HNF1B: variants seen among roughly 807,000 people sequenced by gnomAD.
The protein encoded by HNF1B is HNF1 homeobox B.
Under a neutral mutation model 61.7 loss-of-function variants are expected in HNF1B, and 8 were observed. The observed-to-expected ratio is 0.13, with a 90% CI of 0.08 to 0.23. The LOEUF (loss-of-function observed/expected upper bound fraction) is 0.23. Among genes scored for constraint, HNF1B ranks in the 10% least tolerant of loss-of-function variants. The pLI is 1.00. For synonymous variants in HNF1B, 314 were observed against 287.7 expected, an observed-to-expected ratio of 1.09 and a Z score of -0.93; for missense variants, 562 against 714.5, an observed-to-expected ratio of 0.79 and a Z score of 2.43.
intron 2 of HNF1B, among the ~76,000 whole-genome samples, chr17:37,734,737 C>T (rs537301141): frequency 6.6e-6 from 1 of 151,758 alleles, no homozygotes; most frequent in Admixed American, 6.6e-5. Flanking sequence ...AGCAAAGACA[C>T]GTAATACATT....
At chr17:37,728,473 A>AT (rs1471227143) in intron 4 of HNF1B, 2 of 151,156 alleles carry the variant, frequency 1.3e-5, no homozygotes, top group African/African-American at 4.9e-5. Flanking sequence ...CACCCGGCTA[A>AT]TTTTTTGTAT....
chr17:37,699,925 TC>T (rs1236693704), intron 7 of HNF1B, among the ~76,000 whole-genome samples: 2 of 152,238 alleles, frequency 1.3e-5, no homozygotes, highest in African/African-American at 4.8e-5. Context: ...CAAACCTCTT[TC>T]ACCATCATTG....
chr17:37,704,788 G>T, intron 6 of HNF1B, 129 bp downstream of exon 6: 1 of 1,040,368 alleles, frequency 9.6e-7, no homozygotes, highest in Non-Finnish European at 1.5e-6. Context: ...AGAAACTAAA[G>T]AAGTTAAACC....
chr17:37,734,850 G>A (rs1191908760), intron 2 of HNF1B, among the ~76,000 whole-genome samples: 2 of 149,856 alleles, frequency 1.3e-5, no homozygotes, highest in Non-Finnish European at 3.0e-5. Flanking sequence ...GTACAGTGGT[G>A]TGATCTCGGC....
chr17:37,734,759 TC>T (rs1335009094), intron 2 of HNF1B, among the ~76,000 whole-genome samples: 1 of 151,842 alleles, frequency 6.6e-6, no homozygotes, highest in Non-Finnish European at 1.5e-5. Context: ...ATCTCCTAGC[TC>T]TGGGTCCCTA....
chr17:37,722,761 T>C (rs1364422821), intron 4 of HNF1B, among the ~76,000 whole-genome samples: 4 of 152,130 alleles, frequency 2.6e-5, no homozygotes, highest in Admixed American at 1.3e-4. Flanking sequence ...AGTTGGAGCA[T>C]AGGGTAACAG....
intron 3 of HNF1B, 29 bp downstream of exon 3, chr17:37,733,528 C>G (rs751273057): frequency 3.7e-6 from 6 of 1,614,076 alleles, no homozygotes; most frequent in Non-Finnish European, 5.1e-6. Context: ...ACTTGCCCAC[C>G]TGCCCAGGTG....
chr17:37,710,187 T>C (rs541235192), intron 5 of HNF1B, among the ~76,000 whole-genome samples: 8 of 152,302 alleles, frequency 5.3e-5, no homozygotes, highest in Admixed American at 1.3e-4. Flanking sequence ...AATGAACATT[T>C]TATCAACACA....
chr17:37,724,883 A>G (rs2033440161), intron 4 of HNF1B, among the ~76,000 whole-genome samples: 1 of 149,520 alleles, frequency 6.7e-6, no homozygotes, highest in African/African-American at 2.5e-5. Flanking sequence ...CCTTTTATAT[A>G]TATAACTTCT....
intron 8 of HNF1B, among the ~76,000 whole-genome samples, chr17:37,688,396 C>T (rs1400417983): frequency 6.6e-6 from 1 of 151,524 alleles, no homozygotes; most frequent in East Asian, 1.9e-4. Flanking sequence ...CACACACACA[C>T]ACACACACAC....
rs368168569 is a variant in HNF1B, at chr17:37,700,973, G to A, written c.1534+10C>T. 2.7e-5 allele frequency: 42 copies of A among 1,553,496 alleles called. No individual in the cohort carries two copies. The highest frequency in any genetic ancestry group is 6.8e-5 in the African/African-American group (5 of 73,372). On this transcript the variant is annotated intron_variant, in intron 7 of 8. Coordinates refer to ENST00000617811, the MANE Select transcript of HNF1B (RefSeq NM_000458.4). ...GAGTGCTCCCTCCCTCCACATGCCC[G>A]TGTCCTTACTGTGTGAGTTCTGCAG...
At chr17:37,720,263 C>A (rs1043708381) in intron 4 of HNF1B, among the ~76,000 whole-genome samples, 1 of 152,080 alleles carries the variant, frequency 6.6e-6, no homozygotes, top group Admixed American at 6.5e-5. Flanking sequence ...CCTAGGGATC[C>A]TGGTAAGAGA....
At chr17:37,696,011 G>A (rs1246387818) in intron 8 of HNF1B, among the ~76,000 whole-genome samples, 1 of 152,100 alleles carries the variant, frequency 6.6e-6, no homozygotes, top group Non-Finnish European at 1.5e-5. Flanking sequence ...GAATGATATG[G>A]TCTGGATGTG....
intron 4 of HNF1B, chr17:37,729,456 A>T (rs1487772016): frequency 1.3e-5 from 2 of 148,326 alleles, no homozygotes; most frequent in African/African-American, 5.0e-5. Context: ...AAAAAAAAAA[A>T]GACAGAAGAA....
intron 4 of HNF1B, among the ~76,000 whole-genome samples, chr17:37,718,148 CAAGAA>C (rs2033185513): frequency 1.3e-5 from 2 of 151,672 alleles, no homozygotes; most frequent in African/African-American, 4.8e-5. Context: ...CAAATGTAAC[CAAGAA>C]AAGAAAAAAA....
intron 7 of HNF1B, among the ~76,000 whole-genome samples, chr17:37,700,275 G>T (rs1161481056): frequency 3.3e-5 from 5 of 152,194 alleles, no homozygotes; most frequent in African/African-American, 9.7e-5. Context: ...TGGAAGCCTG[G>T]GACTCAGGAT....
intron 4 of HNF1B, among the ~76,000 whole-genome samples, chr17:37,728,394 C>T (rs1368815565): frequency 6.6e-6 from 1 of 151,654 alleles, no homozygotes; most frequent in Non-Finnish European, 1.5e-5. Context: ...GCAAGCTCCG[C>T]CTCCTGGGTT....
intron 1 of HNF1B, among the ~76,000 whole-genome samples, chr17:37,744,038 C>T (rs576655998): frequency 5.9e-5 from 9 of 152,372 alleles, no homozygotes; most frequent in Admixed American, 5.9e-4. Flanking sequence ...ATCCCGGCTC[C>T]GGATGCCGCC....
chr17:37,733,861 C>A, intron 2 of HNF1B, 40 bp from the exon 3 acceptor site: 1 of 1,600,334 alleles, frequency 6.2e-7, no homozygotes. Flanking sequence ...GGTCTGTAGC[C>A]TTCACTCAGC....
Sources: allele counts gnomAD v4.1 joint callset (sites outside exome capture counted in the v4.1 genomes callset), GRCh38; gene constraint gnomAD v4.1.1; transcripts MANE v1.5; gene names NCBI Gene and HGNC (gene_info 2026-07-23, HGNC 2026-07-21).